Variants in UVSSA observed in about 807,000 individuals in gnomAD.
UVSSA encodes UV-stimulated scaffold protein A.
Under a neutral mutation model 73.9 loss-of-function variants are expected in UVSSA, and 72 were observed. That is an observed-to-expected ratio of 0.97 (90% CI 0.81 to 1.19). The LOEUF (loss-of-function observed/expected upper bound fraction) is 1.19. Among genes scored for constraint, UVSSA ranks in the 50% most tolerant of loss-of-function variants. UVSSA has a pLI of 0.00. For missense variants in UVSSA, 1,150 were observed against 965.0 expected (o/e 1.19, Z -2.54); for synonymous variants, 454 against 391.3 (o/e 1.16, Z -1.89).
At chr4:1,363,155 C>T (rs1419656343) in intron 7 of UVSSA, among the ~76,000 whole-genome samples, 6 of 152,130 alleles carry the variant, frequency 3.9e-5, no homozygotes, top group South Asian at 2.1e-4. Flanking sequence ...AGTATGGAAA[C>T]GGTGGCTGTG....
intron 7 of UVSSA, among the ~76,000 whole-genome samples, chr4:1,365,858 C>T (rs969006736): frequency 9.2e-5 from 14 of 151,482 alleles, no homozygotes; most frequent in African/African-American, 3.2e-4. Context: ...AAGATAACTG[C>T]CCTAAGCCTC....
downstream of UVSSA, chr4:1,393,048 C>G (rs780600115): frequency 1.3e-5 from 2 of 152,214 alleles, no homozygotes; most frequent in Admixed American, 6.5e-5. Flanking sequence ...TCTCTTCCCC[C>G]ACTTGGACTC....
chr4:1,378,497 G>A (rs1279191402), intron 10 of UVSSA, among the ~76,000 whole-genome samples: 1 of 152,178 alleles, frequency 6.6e-6, no homozygotes, highest in Non-Finnish European at 1.5e-5. Flanking sequence ...TTTGCAGTGA[G>A]CTGAGATCGC....
intron 7 of UVSSA, among the ~76,000 whole-genome samples, chr4:1,357,598 G>A (rs1715974014): frequency 6.6e-6 from 1 of 152,228 alleles, no homozygotes; most frequent in Non-Finnish European, 1.5e-5. Context: ...TACCAGCGAG[G>A]CCTGCAGGCT....
chr4:1,376,238 G>A lies in UVSSA; in HGVS notation c.1568+70G>A, dbSNP rs908721752. On this transcript the variant is annotated intron_variant, in intron 10 of 13. Coordinates refer to ENST00000389851, the MANE Select transcript of UVSSA (RefSeq NM_020894.4). The stretch of plus-strand genomic sequence containing the variant: ...GTCCCAGCCTGAGGAGGGGGCTGCC[G>A]GCTCACCAGGCCTCCCTGGGTCTGA... 25 of 1,501,116 alleles carry A rather than the reference G, an allele frequency of 1.7e-5. No individual in the cohort carries two copies. In the East Asian group the frequency reaches 3.9e-4, roughly 24 times the overall value. The allele number at this position is 1,501,116 out of a possible 1,614,324, so 93.0% of individuals were successfully genotyped here. A position where few individuals can be genotyped will look rare whatever the true frequency, so the allele number is the denominator to read the frequency against.
At chr4:1,380,576 C>T (rs923680644) in intron 11 of UVSSA, 9 of 1,386,460 alleles carry the variant, frequency 6.5e-6, no homozygotes, top group African/African-American at 4.3e-5. Context: ...AGGGCAGCTC[C>T]CAGCCGGGCA....
chr4:1,380,236 G>T lies in UVSSA; in HGVS notation c.1752+6G>T. 1 of 1,607,442 alleles carries T rather than the reference G, an allele frequency of 6.2e-7. No individual in the cohort carries two copies. The highest frequency in any genetic ancestry group is 2.2e-5 in the East Asian group (1 of 44,718). The stretch of plus-strand genomic sequence containing the variant: ...AGCGCCAAGACCGGCTGAAGGTGAG[G>T]CCGTGGCCCGAGGGCGGGGGTGGGT... On this transcript the variant is annotated splice_donor_region_variant and intron_variant, in intron 11 of 13. Transcript: ENST00000389851.
chr4:1,366,475 C>T, intron 8 of UVSSA, 44 bp downstream of exon 8: 1 of 1,495,668 alleles, frequency 6.7e-7, no homozygotes, highest in Non-Finnish European at 9.1e-7. Context: ...GTGGAGGGTC[C>T]CCCACTCAGG....
upstream of UVSSA, chr4:1,347,189 C>G (rs1577264157): frequency 6.6e-6 from 1 of 152,352 alleles, no homozygotes; most frequent in South Asian, 2.1e-4. Flanking sequence ...GGCGGTCCCC[C>G]CGCCGGAAGG....
chr4:1,356,504 G>C (rs1480223349), intron 7 of UVSSA: 6 of 152,236 alleles, frequency 3.9e-5, no homozygotes, highest in Non-Finnish European at 8.8e-5. Flanking sequence ...GTGGGTGCTG[G>C]TCAACACCTT....
downstream of UVSSA, chr4:1,389,935 G>A (rs1720366596): frequency 1.3e-5 from 2 of 151,982 alleles, no homozygotes; most frequent in African/African-American, 4.8e-5. Context: ...ACAACTTCTG[G>A]TTTTGTTTAT....
chr4:1,362,701 G>A (rs1204862565), intron 7 of UVSSA, among the ~76,000 whole-genome samples: 1 of 152,204 alleles, frequency 6.6e-6, no homozygotes, highest in Non-Finnish European at 1.5e-5. Flanking sequence ...AGGGCGGGTG[G>A]CTCTTGCCTG....
chr4:1,357,259 G>C (rs906425327), intron 7 of UVSSA, among the ~76,000 whole-genome samples: 1 of 152,098 alleles, frequency 6.6e-6, no homozygotes, highest in Non-Finnish European at 1.5e-5. Flanking sequence ...ACAGAGCAGA[G>C]GGGGGCTGAT....
rs935853543 is a variant in UVSSA at position 1,387,779 on chromosome 4, G to C, written c.*1818G>C. 1.3e-5 allele frequency: 2 copies of C among 152,172 alleles called. No homozygotes were observed. The highest frequency in any genetic ancestry group is 2.9e-5 in the Non-Finnish European group (2 of 68,036). 9.4% of individuals were successfully genotyped at this position (152,172 alleles called of 1,614,324 possible). A position where few individuals can be genotyped will look rare whatever the true frequency, so the allele number is the denominator to read the frequency against. On this transcript the variant is annotated 3_prime_UTR_variant, in exon 14 of 14. Coordinates refer to ENST00000389851, the MANE Select transcript of UVSSA (RefSeq NM_020894.4). ...TGTACAGGCTTATTTCTGGGCACTT[G>C]ACTCTATTCCATTGACCTGTTTAAC...
intron 7 of UVSSA, among the ~76,000 whole-genome samples, chr4:1,361,981 C>T (rs1188704648): frequency 1.3e-5 from 2 of 152,090 alleles, no homozygotes; most frequent in African/African-American, 2.4e-5. Flanking sequence ...ATTTAATGGC[C>T]CCAGCTGTAT....
rs776402796 is a variant in UVSSA at position 1,355,104 on chromosome 4, C to G, written c.1048-13C>G. ...CGGCCGGCCCCTGAGCTGTTCGCAC[C>G]CCCGTTTCGCAGCGCTTCACCCGCG... On this transcript the variant is annotated splice_polypyrimidine_tract_variant and intron_variant, in intron 6 of 13. Coordinates refer to ENST00000389851, the MANE Select transcript of UVSSA (RefSeq NM_020894.4). The G allele has an allele frequency of 9.9e-6, 16 of 1,612,986 alleles. No homozygotes were observed. The South Asian group carries it at 1.2e-4, about 12-fold the overall frequency.
rs752885294 is a variant in UVSSA at position 1,353,360 on chromosome 4, G to A, written c.881G>A (p.Arg294Gln). 52 of 1,607,226 alleles carry A rather than the reference G, an allele frequency of 3.2e-5. No homozygotes were observed. The East Asian group carries it at 6.5e-4, about 20-fold the overall frequency. The part of the protein sequence containing the change: ...DEDSDLEEFV[R>Q]SHGLGSHKYT... Reference sequence around the variant, plus strand: ...GACAGCGACCTCGAGGAGTTTGTGCGGAGCCACGGGCTGGGCTCGCACAAG... The same window carrying A: ...GACAGCGACCTCGAGGAGTTTGTGCAGAGCCACGGGCTGGGCTCGCACAAG... Residue 294 changes from arginine (R) to glutamine (Q), a missense_variant, in exon 5 of 14, where the codon CGG becomes CAG. Arg to Gln is a conservative substitution (Grantham distance 43). Transcript: ENST00000389851.
chr4:1,343,318 T>C (rs1472223116), upstream of UVSSA, among the ~76,000 whole-genome samples: 1 of 152,084 alleles, frequency 6.6e-6, no homozygotes, highest in Non-Finnish European at 1.5e-5. Flanking sequence ...ATCAGTCCTA[T>C]CAGATGAGGG....
chr4:1,350,833 G>A (rs995675588), intron 3 of UVSSA, among the ~76,000 whole-genome samples: 4 of 151,758 alleles, frequency 2.6e-5, no homozygotes, highest in Admixed American at 2.6e-4. Flanking sequence ...CATGGGTGCT[G>A]TCTTTTGTTA....
Sources: allele counts gnomAD v4.1 joint callset (sites outside exome capture counted in the v4.1 genomes callset), GRCh38; gene constraint gnomAD v4.1.1; transcripts MANE v1.5; gene names NCBI Gene and HGNC (gene_info 2026-07-23, HGNC 2026-07-21).